Variants in BCL2 observed in about 807,000 individuals in gnomAD.
The protein encoded by BCL2 is BCL2 apoptosis regulator.
BCL2 carries 1 observed loss-of-function variant against 14.2 expected under a neutral mutation model. That is an observed-to-expected ratio of 0.07 (90% CI 0.02 to 0.33). The LOEUF (loss-of-function observed/expected upper bound fraction) is 0.33, where lower values mean the gene tolerates loss of function less well. Among genes scored for constraint, BCL2 ranks in the 10% least tolerant of loss-of-function variants. The pLI, the probability that BCL2 is intolerant of heterozygous loss-of-function variation, is 0.99. For missense variants in BCL2, 247 were observed against 305.9 expected, an observed-to-expected ratio of 0.81 and a Z score of 1.44; for synonymous variants, 151 against 137.2, an observed-to-expected ratio of 1.10 and a Z score of -0.70.
chr18:63,242,057 T>G (rs1056403139), intron 2 of BCL2, among the ~76,000 whole-genome samples: 21 of 95,786 alleles, frequency 2.2e-4, no homozygotes, highest in Admixed American at 2.0e-3. Flanking sequence ...GTGTAGATCT[T>G]CAAACTGCGT....
Position 63,187,770 on chromosome 18 carries a change from A to G in BCL2, c.586-59011T>C, listed in dbSNP as rs534838337. Among the ~76,000 whole-genome samples the G allele has an allele frequency of 2.0e-5, 3 of 152,372 alleles. No individual in the cohort carries two copies. In the East Asian group the frequency reaches 5.8e-4, roughly 29 times the overall value. ...ACGTGGAGCTGTGGAAATCTCTAAA[A>G]TCAAAACCAGGCCAGGCTTAGAATT... is the stretch of plus-strand genomic sequence containing the variant. On this transcript the variant is annotated intron_variant, in intron 2 of 2. Transcript: ENST00000333681.
At chr18:63,159,945 T>G (rs1599216077) in intron 2 of BCL2, among the ~76,000 whole-genome samples, 1 of 152,332 alleles carries the variant, frequency 6.6e-6, no homozygotes, top group East Asian at 1.9e-4. Context: ...TTTTCTGGTT[T>G]CCAAACTCAA....
intron 2 of BCL2, among the ~76,000 whole-genome samples, chr18:63,283,649 C>A (rs539162282): frequency 6.6e-6 from 1 of 152,198 alleles, no homozygotes; most frequent in African/African-American, 2.4e-5. Flanking sequence ...CAGAACCACA[C>A]GCAGAAGAGT....
intron 2 of BCL2, among the ~76,000 whole-genome samples, chr18:63,310,771 T>A (rs900396910): frequency 6.6e-6 from 1 of 152,258 alleles, no homozygotes; most frequent in Non-Finnish European, 1.5e-5. Context: ...TTAAGTTTTG[T>A]GGACAATTGC....
At chr18:63,198,589 CACAG>C in intron 2 of BCL2, among the ~76,000 whole-genome samples, 1 of 150,962 alleles carries the variant, frequency 6.6e-6, no homozygotes, top group East Asian at 2.0e-4. Flanking sequence ...GACACATAGA[CACAG>C]AGACACACAC....
chr18:63,219,348 G>A (rs1336139316), intron 2 of BCL2, among the ~76,000 whole-genome samples: 1 of 151,954 alleles, frequency 6.6e-6, no homozygotes, highest in African/African-American at 2.4e-5. Context: ...AAATTTTAGT[G>A]GCTTATGGTT....
chr18:63,182,322 G>A (rs1915495330), intron 2 of BCL2, among the ~76,000 whole-genome samples: 1 of 152,204 alleles, frequency 6.6e-6, no homozygotes, highest in Admixed American at 6.5e-5. Context: ...TGCTCAGGCT[G>A]AAGAGGGTCT....
chr18:63,266,657 A>ACACACACAC (rs1911840028), intron 2 of BCL2, among the ~76,000 whole-genome samples: 1 of 150,412 alleles, frequency 6.6e-6, no homozygotes, highest in South Asian at 2.1e-4. Context: ...ACACACACAC[A>ACACACACAC]AAAATATATA....
intron 2 of BCL2, among the ~76,000 whole-genome samples, chr18:63,153,309 T>C (rs1243666038): frequency 6.6e-6 from 1 of 152,222 alleles, no homozygotes; most frequent in South Asian, 2.1e-4. Context: ...AAATGACTTC[T>C]GTGAAGTGCC....
intron 2 of BCL2, among the ~76,000 whole-genome samples, chr18:63,280,988 G>C (rs921110940): frequency 2.6e-5 from 4 of 152,124 alleles, no homozygotes; most frequent in African/African-American, 9.7e-5. Context: ...CCATTCAATG[G>C]AATATCATTC....
chr18:63,307,027 T>G (rs1388246006), intron 2 of BCL2, among the ~76,000 whole-genome samples: 5 of 152,162 alleles, frequency 3.3e-5, no homozygotes, highest in African/African-American at 1.2e-4. Context: ...GCTCAATATT[T>G]TTTTAAAAGT....
intron 2 of BCL2, among the ~76,000 whole-genome samples, chr18:63,219,310 A>G (rs534089950): frequency 1.3e-5 from 2 of 152,210 alleles, no homozygotes; most frequent in Admixed American, 6.5e-5. Context: ...CCAAGTCAAA[A>G]GTGATTGTCC....
At chr18:63,247,109 T>C (rs765370992) in intron 2 of BCL2, among the ~76,000 whole-genome samples, 3 of 152,064 alleles carry the variant, frequency 2.0e-5, no homozygotes, top group Non-Finnish European at 2.9e-5. Flanking sequence ...AAGAGATCAG[T>C]AGGCAGGTAG....
chr18:63,307,939 G>A (rs1359182726), intron 2 of BCL2, among the ~76,000 whole-genome samples: 1 of 152,200 alleles, frequency 6.6e-6, no homozygotes, highest in Non-Finnish European at 1.5e-5. Context: ...GTATGGTCAA[G>A]CTTCACTACA....
At chr18:63,243,962 G>T (rs972887971) in intron 2 of BCL2, among the ~76,000 whole-genome samples, 6 of 152,116 alleles carry the variant, frequency 3.9e-5, no homozygotes, top group African/African-American at 1.4e-4. Flanking sequence ...GAAGTTTCGC[G>T]GCCGGGTGCA....
At position 63,188,076 on chromosome 18, in the gene BCL2, G is replaced by A. The variant is rs1403976567; in HGVS notation, c.586-59317C>T. Among the ~76,000 whole-genome samples the A allele has an allele frequency of 3.3e-5, 5 of 152,232 alleles. No homozygotes were observed. In the East Asian group the frequency reaches 9.6e-4, roughly 29 times the overall value. ...ATACGATCAAAGTTAAGACAAATGG[G>A]AAACACAGAATAATTAATAACAATG... is the stretch of plus-strand genomic sequence containing the variant. On this transcript the variant is annotated intron_variant, in intron 2 of 2. Transcript: ENST00000333681.
At chr18:63,250,848 A>C (rs1419357281) in intron 2 of BCL2, among the ~76,000 whole-genome samples, 1 of 152,234 alleles carries the variant, frequency 6.6e-6, no homozygotes, top group Non-Finnish European at 1.5e-5. Flanking sequence ...ATTTAATAAA[A>C]TATTGACATG....
intron 2 of BCL2, among the ~76,000 whole-genome samples, chr18:63,175,476 G>A (rs1457530647): frequency 2.0e-5 from 3 of 152,236 alleles, no homozygotes; most frequent in Non-Finnish European, 4.4e-5. Context: ...GCTGTAAGCA[G>A]CCAGCACAGC....
chr18:63,283,439 C>G (rs1448374247), intron 2 of BCL2, among the ~76,000 whole-genome samples: 2 of 151,904 alleles, frequency 1.3e-5, no homozygotes, highest in African/African-American at 4.8e-5. Context: ...TCTTTTCCTG[C>G]CTGTGAAACT....
Sources: gnomAD v4.1 joint callset for allele counts (sites outside exome capture counted in the v4.1 genomes callset) on GRCh38, gnomAD v4.1.1 for gene constraint, MANE v1.5 for transcripts, NCBI Gene and HGNC (gene_info 2026-07-23, HGNC 2026-07-21) for gene names.